The following PLPP4 variants were observed in gnomAD, a reference collection of about 807,000 sequenced individuals.
PLPP4 encodes the protein phospholipid phosphatase 4, also known as diacylglycerol pyrophosphate like 2.
Under a neutral mutation model 32.2 loss-of-function variants are expected in PLPP4, and 20 were observed. The ratio of observed to expected loss-of-function variants is 0.62; its 90% CI spans 0.44 to 0.90. The LOEUF is 0.90. Among genes scored for constraint, PLPP4 ranks in the 40% least tolerant of loss-of-function variants. The pLI is 0.00. For synonymous variants in PLPP4, 127 were observed against 133.0 expected (o/e 0.95, Z 0.31); for missense variants, 257 against 353.1 (o/e 0.73, Z 2.18).
At chr10:120,511,806 T>C (rs1415921413) in intron 2 of PLPP4, among the ~76,000 whole-genome samples, 1 of 152,174 alleles carries the variant, frequency 6.6e-6, no homozygotes, top group Admixed American at 6.5e-5. Flanking sequence ...AAAATGTACA[T>C]TTCCGGGCCA....
chr10:120,491,792 A>G (rs1476903168), intron 1 of PLPP4, among the ~76,000 whole-genome samples: 2 of 152,154 alleles, frequency 1.3e-5, no homozygotes, highest in Non-Finnish European at 2.9e-5. Flanking sequence ...ATATACTTTG[A>G]TATGGAATTT....
chr10:120,561,363 C>T (rs774575335), intron 5 of PLPP4, among the ~76,000 whole-genome samples: 17 of 151,896 alleles, frequency 1.1e-4, no homozygotes, highest in Non-Finnish European at 1.5e-4. Context: ...ATATGGATAC[C>T]GGCACCATTT....
intron 5 of PLPP4, among the ~76,000 whole-genome samples, chr10:120,566,599 A>G (rs374082487): frequency 6.6e-5 from 10 of 150,858 alleles, no homozygotes; most frequent in East Asian, 5.9e-4. Context: ...CTGGAGTGCA[A>G]TGGTGCAGTC....
intron 5 of PLPP4, among the ~76,000 whole-genome samples, chr10:120,557,845 A>G (rs1292900420): frequency 6.6e-6 from 1 of 152,004 alleles, no homozygotes; most frequent in Non-Finnish European, 1.5e-5. Context: ...TGGCTGCATA[A>G]CTCTTGTTAT....
chr10:120,583,274 A>G (rs1167269001), intron 6 of PLPP4, among the ~76,000 whole-genome samples: 1 of 151,830 alleles, frequency 6.6e-6, no homozygotes, highest in Non-Finnish European at 1.5e-5. Context: ...AGTATGGCAG[A>G]ACTCATAAGG....
At chr10:120,546,500 A>G (rs1327998188) in intron 5 of PLPP4, among the ~76,000 whole-genome samples, 1 of 152,140 alleles carries the variant, frequency 6.6e-6, no homozygotes, top group Non-Finnish European at 1.5e-5. Flanking sequence ...AGATTTTCCC[A>G]AAGCATGCTT....
chr10:120,474,156 T>C (rs1464715740), intron 1 of PLPP4, among the ~76,000 whole-genome samples: 1 of 152,164 alleles, frequency 6.6e-6, no homozygotes, highest in African/African-American at 2.4e-5. Context: ...TTCAGGAGGG[T>C]AGAGAGACAA....
intron 5 of PLPP4, among the ~76,000 whole-genome samples, chr10:120,535,962 G>T (rs1327253035): frequency 6.6e-6 from 1 of 152,034 alleles, no homozygotes; most frequent in South Asian, 2.1e-4. Context: ...TTCAAAAATA[G>T]AAATTCAAAA....
intron 2 of PLPP4, among the ~76,000 whole-genome samples, chr10:120,513,006 A>G (rs933848729): frequency 4.4e-4 from 67 of 152,244 alleles, no homozygotes; most frequent in African/African-American, 1.5e-3. Context: ...GATTTGTGAG[A>G]TGTTCAGTCT....
chr10:120,500,237 C>A lies in PLPP4; in HGVS notation c.57-3581C>A, dbSNP rs1845177964. Among the ~76,000 whole-genome samples the A allele has an allele frequency of 2.0e-5, 3 of 152,170 alleles. No homozygotes were observed. In the South Asian group the frequency reaches 6.2e-4, roughly 32 times the overall value. ...AGGATAATAAAACCTGAAAGACAAACAAGACGAGGAAGGAAGGTGCTCTGT... is the reference window on the plus strand; with the variant it reads ...AGGATAATAAAACCTGAAAGACAAAAAAGACGAGGAAGGAAGGTGCTCTGT... On this transcript the variant is annotated intron_variant, in intron 1 of 6. Transcript: ENST00000398250.
At chr10:120,578,347 G>A (rs1374737128) in intron 6 of PLPP4, among the ~76,000 whole-genome samples, 4 of 152,182 alleles carry the variant, frequency 2.6e-5, no homozygotes, top group Non-Finnish European at 5.9e-5. Flanking sequence ...GTTTTCCTTT[G>A]GTGAACTGAG....
intron 5 of PLPP4, among the ~76,000 whole-genome samples, chr10:120,521,493 A>G (rs942334391): frequency 6.6e-6 from 1 of 152,222 alleles, no homozygotes; most frequent in African/African-American, 2.4e-5. Flanking sequence ...ACATATGTAT[A>G]CATATATACA....
At chr10:120,549,762 CA>C (rs35490229) in intron 5 of PLPP4, among the ~76,000 whole-genome samples, 50,398 of 151,652 alleles carry the variant, frequency 0.33, 8,491 homozygotes, top group Middle Eastern at 0.4. Context: ...ATAATCATCT[CA>C]ATAGATGTGG....
At chr10:120,496,912 AGTGTGTGTGTGTGT>A (rs3066553) in intron 1 of PLPP4, among the ~76,000 whole-genome samples, 10 of 149,420 alleles carry the variant, frequency 6.7e-5, no homozygotes, top group Admixed American at 1.3e-4. Flanking sequence ...AGAATGTGTG[AGTGTGTGTGTGTGT>A]GTGTGTGTGT....
intron 1 of PLPP4, among the ~76,000 whole-genome samples, chr10:120,493,231 T>A (rs1844799341): frequency 6.6e-6 from 1 of 152,238 alleles, no homozygotes; most frequent in South Asian, 2.1e-4. Context: ...CTGGAACATT[T>A]AGCTTTATTC....
intron 1 of PLPP4, among the ~76,000 whole-genome samples, chr10:120,483,331 A>G (rs943511760): frequency 2.0e-5 from 3 of 152,176 alleles, no homozygotes; most frequent in Non-Finnish European, 4.4e-5. Flanking sequence ...TTGTGATGGT[A>G]TGAGTCAGTT....
intron 6 of PLPP4, among the ~76,000 whole-genome samples, chr10:120,585,637 A>G (rs1202359892): frequency 6.6e-6 from 1 of 152,242 alleles, no homozygotes; most frequent in Non-Finnish European, 1.5e-5. Context: ...CACATTTGAG[A>G]GAGAAGGAAA....
rs1290312734 is a variant in PLPP4 at position 120,554,086 on chromosome 10, TTAAATA to T, written c.446-21041_446-21036del. Among the ~76,000 whole-genome samples the T allele has an allele frequency of 2.0e-5, 3 of 152,352 alleles. No homozygotes were observed. In the East Asian group the frequency reaches 5.8e-4, roughly 29 times the overall value. Reference sequence around the variant, plus strand: ...TAAATTTTTATGTTCTGCTTTCCTTTTAAATATAAGTTTCAGTTTCAGATTATCTCT... The same window carrying T: ...TAAATTTTTATGTTCTGCTTTCCTTTTAAGTTTCAGTTTCAGATTATCTCT... On this transcript the variant is annotated intron_variant, in intron 5 of 6. Transcript: ENST00000398250.
chr10:120,489,512 G>C (rs141787426), intron 1 of PLPP4, among the ~76,000 whole-genome samples: 1 of 152,302 alleles, frequency 6.6e-6, no homozygotes, highest in African/African-American at 2.4e-5. Context: ...GCACAACTGC[G>C]GTAGGAGTGG....
Sources: allele counts gnomAD v4.1 joint callset (sites outside exome capture counted in the v4.1 genomes callset), GRCh38; gene constraint gnomAD v4.1.1; transcripts MANE v1.5; gene names NCBI Gene and HGNC (gene_info 2026-07-23, HGNC 2026-07-21).